The following RUNX2 variants were observed in gnomAD, a reference collection of about 807,000 sequenced individuals.
RUNX2 encodes RUNX family transcription factor 2.
RUNX2 carries 10 observed loss-of-function variants against 51.7 expected under a neutral mutation model. That is an observed-to-expected ratio of 0.19 (90% CI 0.12 to 0.33). RUNX2 has a LOEUF of 0.33. RUNX2 is among the 10% of genes least tolerant of loss of function. RUNX2 has a pLI of 1.00. For missense variants in RUNX2, 562 were observed against 691.3 expected (o/e 0.81, Z 2.10); for synonymous variants, 276 against 273.6 (o/e 1.01, Z -0.09).
In RUNX2 at chr6:45,508,689, C is replaced by A. The variant is rs192178584; in HGVS notation, c.860-3557C>A. On this transcript the variant is annotated intron_variant, in intron 6 of 8. Coordinates refer to ENST00000647337, the MANE Select transcript of RUNX2 (RefSeq NM_001024630.4). ...TTAGGGATCTTGAGAACTTACTTTT[C>A]CTAATCTTGGATATTTGGAAAGGCC... 8.5e-5 allele frequency among the ~76,000 whole-genome samples: 13 copies of A among 152,276 alleles called. No individual in the cohort carries two copies. The East Asian group carries it at 2.5e-3, about 29-fold the overall frequency.
At chr6:45,341,676 C>T (rs1789809021) in intron 2 of RUNX2, among the ~76,000 whole-genome samples, 1 of 152,080 alleles carries the variant, frequency 6.6e-6, no homozygotes, top group Non-Finnish European at 1.5e-5. Context: ...AATGTATACA[C>T]ATGAAAATAA....
chr6:45,402,672 G>A (rs753402959), intron 2 of RUNX2, among the ~76,000 whole-genome samples: 28 of 152,096 alleles, frequency 1.8e-4, no homozygotes, highest in Non-Finnish European at 3.5e-4. Flanking sequence ...TTCAAGACCG[G>A]CCTGAGCTAC....
chr6:45,411,731 T>G (rs1053935810), intron 2 of RUNX2, among the ~76,000 whole-genome samples: 2 of 152,184 alleles, frequency 1.3e-5, no homozygotes, highest in African/African-American at 4.8e-5. Flanking sequence ...GTTATAACAC[T>G]TCAACCAGTT....
chr6:45,489,501 T>A (rs533883045), intron 5 of RUNX2, among the ~76,000 whole-genome samples: 5 of 152,346 alleles, frequency 3.3e-5, no homozygotes, highest in African/African-American at 1.2e-4. Context: ...TAAATTTTCT[T>A]GTGACCCATG....
chr6:45,442,041 T>G (rs1279097634), intron 5 of RUNX2, among the ~76,000 whole-genome samples: 1 of 152,244 alleles, frequency 6.6e-6, no homozygotes, highest in Non-Finnish European at 1.5e-5. Flanking sequence ...TCATCACTCA[T>G]TACAAGATTA....
At chr6:45,382,196 G>T (rs946904145) in intron 2 of RUNX2, among the ~76,000 whole-genome samples, 5 of 152,134 alleles carry the variant, frequency 3.3e-5, no homozygotes, top group Admixed American at 6.5e-5. Context: ...ACGGATTGTT[G>T]TAGGCCTACC....
chr6:45,343,679 T>C (rs781078107), intron 2 of RUNX2, among the ~76,000 whole-genome samples: 1 of 152,210 alleles, frequency 6.6e-6, no homozygotes, highest in African/African-American at 2.4e-5. Context: ...ATGTTGTCAA[T>C]GATGTCTCAC....
chr6:45,384,504 T>G (rs574340210), intron 2 of RUNX2, among the ~76,000 whole-genome samples: 63 of 152,182 alleles, frequency 4.1e-4, no homozygotes, highest in Middle Eastern at 3.4e-3. Flanking sequence ...AGGCTGGTCT[T>G]GAACTCCTGG....
chr6:45,455,919 T>G (rs1366048332), intron 5 of RUNX2, among the ~76,000 whole-genome samples: 1 of 152,244 alleles, frequency 6.6e-6, no homozygotes, highest in Non-Finnish European at 1.5e-5. Flanking sequence ...AATCATACTT[T>G]TAGTTTTTGA....
intron 2 of RUNX2, among the ~76,000 whole-genome samples, chr6:45,400,224 A>C (rs970339764): frequency 6.6e-6 from 1 of 151,318 alleles, no homozygotes; most frequent in South Asian, 2.1e-4. Context: ...TGAGGGAAGG[A>C]AGGAAGGAAG....
At chr6:45,491,505 G>A (rs933799849) in intron 5 of RUNX2, among the ~76,000 whole-genome samples, 25 of 151,958 alleles carry the variant, frequency 1.6e-4, no homozygotes, top group African/African-American at 6.0e-4. Context: ...GTTTGTCCGT[G>A]TCTCTGCTCC....
At chr6:45,417,775 G>A (rs34783931) in intron 2 of RUNX2, among the ~76,000 whole-genome samples, 3,807 of 152,200 alleles carry the variant, frequency 0.025, 77 homozygotes, top group Non-Finnish European at 0.033. Flanking sequence ...TTCCAATAAA[G>A]CTTTATTTGT....
chr6:45,422,335 G>A, intron 2 of RUNX2: 1 of 469,152 alleles, frequency 2.1e-6, no homozygotes, highest in East Asian at 4.6e-5. Context: ...CTCCGGCAAA[G>A]ATCTGCGCCT....
intron 6 of RUNX2, among the ~76,000 whole-genome samples, chr6:45,495,094 C>G (rs974507673): frequency 1.3e-5 from 2 of 152,338 alleles, no homozygotes; most frequent in South Asian, 2.1e-4. Flanking sequence ...AGTTCTGGAA[C>G]CTTCATCCAA....
chr6:45,504,737 G>A (rs1022801640), intron 6 of RUNX2, among the ~76,000 whole-genome samples: 1 of 152,146 alleles, frequency 6.6e-6, no homozygotes, highest in Non-Finnish European at 1.5e-5. Flanking sequence ...ATAGGAAATG[G>A]CAAATCTGCT....
chr6:45,541,864 TG>T (rs1802241172), intron 7 of RUNX2, among the ~76,000 whole-genome samples: 1 of 152,236 alleles, frequency 6.6e-6, no homozygotes. Context: ...ATTTCTTTTT[TG>T]TTCTAGAGAT....
At chr6:45,422,332 A>C in intron 2 of RUNX2, 40 of 403,716 alleles carry the variant, frequency 9.9e-5, no homozygotes, top group East Asian at 3.0e-4. Context: ...AGACTCCGGC[A>C]AAGATCTGCG....
At chr6:45,379,684 A>T (rs577013939) in intron 2 of RUNX2, among the ~76,000 whole-genome samples, 3 of 151,986 alleles carry the variant, frequency 2.0e-5, no homozygotes, top group Admixed American at 2.0e-4. Context: ...GGCCAACATG[A>T]TGAAACCCCG....
intron 5 of RUNX2, among the ~76,000 whole-genome samples, chr6:45,466,756 A>T (rs1419166337): frequency 6.6e-6 from 1 of 152,172 alleles, no homozygotes; most frequent in African/African-American, 2.4e-5. Context: ...GGAATGCTTC[A>T]TTTCTTAACC....
Sources: gnomAD v4.1 joint callset for allele counts (sites outside exome capture counted in the v4.1 genomes callset) on GRCh38, gnomAD v4.1.1 for gene constraint, MANE v1.5 for transcripts, NCBI Gene and HGNC (gene_info 2026-07-23, HGNC 2026-07-21) for gene names.